The following SAMMSON variants were observed in gnomAD, a reference collection of about 807,000 sequenced individuals.
SAMMSON encodes the protein long intergenic non-protein coding RNA 1212.
chr3:70,403,881 T>A (rs2106764424), intron 2 of SAMMSON, among the ~76,000 whole-genome samples: 1 of 152,278 alleles, frequency 6.6e-6, no homozygotes, highest in East Asian at 1.9e-4. Context: ...TGATAAAAAA[T>A]CCTTCTTGAT....
intron 4 of SAMMSON, among the ~76,000 whole-genome samples, chr3:70,232,248 C>T (rs1701566407): frequency 6.6e-6 from 1 of 152,180 alleles, no homozygotes; most frequent in African/African-American, 2.4e-5. Context: ...GCTTTGGACA[C>T]ACCAAGTAGC....
chr3:70,365,312 T>C (rs1287561305), intron 9 of SAMMSON, among the ~76,000 whole-genome samples: 1 of 151,496 alleles, frequency 6.6e-6, no homozygotes, highest in Admixed American at 6.6e-5. Context: ...AGTGTGTATA[T>C]ACACACACAT....
intron 7 of SAMMSON, among the ~76,000 whole-genome samples, chr3:70,294,393 C>G (rs1347230962): frequency 6.6e-6 from 1 of 152,038 alleles, no homozygotes; most frequent in Non-Finnish European, 1.5e-5. Flanking sequence ...GCATTCACTG[C>G]TGACAGACAC....
chr3:70,208,522 G>A (rs1388311484), intron 4 of SAMMSON, among the ~76,000 whole-genome samples: 2 of 152,016 alleles, frequency 1.3e-5, no homozygotes, highest in Admixed American at 1.3e-4. Context: ...TAAAGCTCTG[G>A]TATTCCCCTA....
rs140972863 is a variant in SAMMSON at position 70,109,636 on chromosome 3, A to G, written n.507+38071A>G. Among the ~76,000 whole-genome samples, 6 of 152,242 alleles carry G rather than the reference A, an allele frequency of 3.9e-5. No individual in the cohort carries two copies. In the East Asian group the frequency reaches 1.2e-3, roughly 29 times the overall value. On this transcript the variant is annotated intron_variant and non_coding_transcript_variant, in intron 4 of 9. Transcript: ENST00000642114. ...TACTCTCCTGCGCATCATATTCACA[A>G]TAGCTCTGTGAGATACTGATCAAGA...
rs530262869 is a variant in SAMMSON, at chr3:70,351,904, A to AC, written n.740-2267dup. Among the ~76,000 whole-genome samples the AC allele has an allele frequency of 9.2e-5, 14 of 152,174 alleles. No homozygotes were observed. The East Asian group carries it at 2.7e-3, about 29-fold the overall frequency. ...TCACTGATTAGGTTCGTATTTAGTCACCCCAACTGAATTGTAGGACAATAT... is the reference window on the plus strand; with the variant it reads ...TCACTGATTAGGTTCGTATTTAGTCACCCCCAACTGAATTGTAGGACAATAT... On this transcript the variant is annotated intron_variant and non_coding_transcript_variant, in intron 7 of 9. Coordinates refer to ENST00000642114, the Ensembl canonical transcript of SAMMSON.
At chr3:70,262,193 A>C (rs540827478) in intron 6 of SAMMSON, among the ~76,000 whole-genome samples, 4 of 152,344 alleles carry the variant, frequency 2.6e-5, no homozygotes, top group Admixed American at 6.5e-5. Flanking sequence ...AGATGAAAGA[A>C]CAAAAATCAT....
At chr3:70,047,493 T>A (rs1328981860) in intron 3 of SAMMSON, among the ~76,000 whole-genome samples, 1 of 151,880 alleles carries the variant, frequency 6.6e-6, no homozygotes, top group Non-Finnish European at 1.5e-5. Context: ...CACACCTCCA[T>A]GCACAGCTAA....
At chr3:70,166,222 A>T (rs556474295) in intron 4 of SAMMSON, among the ~76,000 whole-genome samples, 5 of 152,100 alleles carry the variant, frequency 3.3e-5, no homozygotes, top group Admixed American at 3.3e-4. Flanking sequence ...ACCTCTCTGA[A>T]ACCATTTTAA....
chr3:70,265,791 G>A (rs928965322), intron 6 of SAMMSON, among the ~76,000 whole-genome samples: 1 of 152,134 alleles, frequency 6.6e-6, no homozygotes, highest in Non-Finnish European at 1.5e-5. Context: ...AATCATGATG[G>A]GAGGCACCTC....
chr3:70,132,849 T>C (rs1161644356), intron 4 of SAMMSON, among the ~76,000 whole-genome samples: 1 of 152,080 alleles, frequency 6.6e-6, no homozygotes, highest in African/African-American at 2.4e-5. Context: ...TGTGCAATGT[T>C]TGAAGTTTCT....
At chr3:70,138,684 C>T (rs923344883) in intron 4 of SAMMSON, among the ~76,000 whole-genome samples, 1 of 152,188 alleles carries the variant, frequency 6.6e-6, no homozygotes, top group African/African-American at 2.4e-5. Context: ...AGTCTTATCT[C>T]ATTCTATCAT....
chr3:70,365,800 C>T (rs1487409938), intron 9 of SAMMSON, among the ~76,000 whole-genome samples: 2 of 151,630 alleles, frequency 1.3e-5, no homozygotes. Flanking sequence ...ATTGTTTTGT[C>T]ACTTTCTTCA....
chr3:70,379,480 T>C lies in SAMMSON; in HGVS notation n.914-10094T>C, dbSNP rs577550886. 2.0e-5 allele frequency among the ~76,000 whole-genome samples: 3 copies of C among 152,146 alleles called. No homozygotes were observed. In the South Asian group the frequency reaches 6.2e-4, roughly 32 times the overall value. ...GAAGCAGGATTGGGCAGAGGGAGAA[T>C]TGCACTGCGATGAAAGCCTGAGCAA... is the stretch of plus-strand genomic sequence containing the variant. On this transcript the variant is annotated intron_variant and non_coding_transcript_variant, in intron 9 of 9. Coordinates refer to ENST00000642114, the Ensembl canonical transcript of SAMMSON.
chr3:70,404,028 T>C (rs1701161206), intron 2 of SAMMSON, among the ~76,000 whole-genome samples: 1 of 152,154 alleles, frequency 6.6e-6, no homozygotes, highest in Non-Finnish European at 1.5e-5. Context: ...TTTTCATCAA[T>C]TTTCAAAATA....
intron 4 of SAMMSON, among the ~76,000 whole-genome samples, chr3:70,152,968 CA>C (rs972924660): frequency 2.0e-5 from 3 of 152,032 alleles, no homozygotes; most frequent in Non-Finnish European, 4.4e-5. Context: ...TTCACAGTCA[CA>C]ACTGAATTTC....
At chr3:70,340,086 G>A (rs1269964646) in intron 7 of SAMMSON, among the ~76,000 whole-genome samples, 1 of 152,006 alleles carries the variant, frequency 6.6e-6, no homozygotes, top group African/African-American at 2.4e-5. Context: ...AAAAAATGAT[G>A]AGTTCATGTC....
intron 1 of SAMMSON, among the ~76,000 whole-genome samples, chr3:70,008,121 C>T (rs1246145251): frequency 2.6e-5 from 4 of 152,032 alleles, no homozygotes; most frequent in African/African-American, 4.8e-5. Flanking sequence ...ATTGACTTGG[C>T]GATGTGGGCT....
chr3:70,167,984 C>T (rs1013052634), intron 4 of SAMMSON, among the ~76,000 whole-genome samples: 1 of 151,946 alleles, frequency 6.6e-6, no homozygotes, highest in African/African-American at 2.4e-5. Flanking sequence ...GAGAGCTGAC[C>T]TCACAGGGAA....
Sources: gnomAD v4.1 joint callset for allele counts (sites outside exome capture counted in the v4.1 genomes callset) on GRCh38, gnomAD v4.1.1 for gene constraint, MANE v1.5 for transcripts, NCBI Gene and HGNC (gene_info 2026-07-23, HGNC 2026-07-21) for gene names.